The following DCLK1 variants were observed in gnomAD, a reference collection of about 807,000 sequenced individuals.
DCLK1 encodes the protein doublecortin like kinase 1, also known as serine/threonine-protein kinase DCLK1.
In DCLK1, 16 loss-of-function variants were observed where a neutral mutation model predicts 86.2. The ratio of observed to expected loss-of-function variants is 0.19; its 90% confidence interval spans 0.13 to 0.28. DCLK1 has a LOEUF of 0.28. Among genes scored for constraint, DCLK1 ranks in the 10% least tolerant of loss-of-function variants. DCLK1 has a pLI of 1.00. For synonymous variants in DCLK1, 369 were observed against 370.5 expected (o/e 1.00, Z 0.05); for missense variants, 590 against 940.2 (o/e 0.63, Z 4.87).
chr13:35,917,693 C>T (rs1334494356), intron 4 of DCLK1, among the ~76,000 whole-genome samples: 1 of 152,140 alleles, frequency 6.6e-6, no homozygotes, highest in Non-Finnish European at 1.5e-5. Flanking sequence ...GAATTCGAAA[C>T]CCAGCTGCAT....
At chr13:36,046,361 T>C (rs1593844954) in intron 3 of DCLK1, among the ~76,000 whole-genome samples, 1 of 152,332 alleles carries the variant, frequency 6.6e-6, no homozygotes, top group Admixed American at 6.5e-5. Context: ...GCCTGAACAG[T>C]AACAATTTTA....
At chr13:35,958,079 T>TATAACCATCACCACCATCACC in intron 3 of DCLK1, among the ~76,000 whole-genome samples, 1 of 10,300 alleles carries the variant, frequency 9.7e-5, no homozygotes, top group Non-Finnish European at 1.6e-4. Context: ...CCACCACCAC[T>TATAACCATCACCACCATCACC]ACTATAACCA....
intron 11 of DCLK1, among the ~76,000 whole-genome samples, chr13:35,820,756 A>G (rs1378021109): frequency 6.6e-6 from 1 of 152,204 alleles, no homozygotes; most frequent in East Asian, 1.9e-4. Context: ...GCTGCAGTTG[A>G]TGGAGGTAAC....
At chr13:36,131,851 A>C (rs1886370531), upstream of DCLK1, among the ~76,000 whole-genome samples, 1 of 152,062 alleles carries the variant, frequency 6.6e-6, no homozygotes, top group African/African-American at 2.4e-5. Flanking sequence ...TTTGCCCGGG[A>C]TGCACCCACG....
At chr13:35,926,400 T>G (rs1173144271) in intron 4 of DCLK1, among the ~76,000 whole-genome samples, 1 of 152,180 alleles carries the variant, frequency 6.6e-6, no homozygotes, top group African/African-American at 2.4e-5. Flanking sequence ...GGAGTCTTAT[T>G]CCACTCAACA....
chr13:35,919,643 T>C (rs1875668859), intron 4 of DCLK1, among the ~76,000 whole-genome samples: 1 of 151,956 alleles, frequency 6.6e-6, no homozygotes, highest in Admixed American at 6.6e-5. Flanking sequence ...GCAGGCTGGA[T>C]TTGCAACCTG....
At chr13:36,045,346 A>C (rs1488578187) in intron 3 of DCLK1, among the ~76,000 whole-genome samples, 1 of 104,660 alleles carries the variant, frequency 9.6e-6, no homozygotes, top group East Asian at 2.7e-4. Flanking sequence ...ATATATATAT[A>C]TATATATATA....
At chr13:35,913,410 C>A (rs9531181) in intron 4 of DCLK1, among the ~76,000 whole-genome samples, 27,656 of 151,952 alleles carry the variant, frequency 0.18, 2,888 homozygotes, top group East Asian at 0.34. Context: ...TGAATACTTT[C>A]CTGAAACCAT....
chr13:35,833,833 A>C (rs575674075), intron 8 of DCLK1, among the ~76,000 whole-genome samples: 2 of 152,300 alleles, frequency 1.3e-5, no homozygotes, highest in Admixed American at 6.5e-5. Context: ...GGCACATGCC[A>C]TATGTCCTCG....
chr13:35,910,922 A>ATT (rs368677544), intron 4 of DCLK1, among the ~76,000 whole-genome samples: 1 of 152,086 alleles, frequency 6.6e-6, no homozygotes, highest in East Asian at 1.9e-4. Context: ...CACTAGAGAG[A>ATT]TTTTTTCAAA....
At chr13:35,890,597 G>C (rs1303330407) in intron 4 of DCLK1, among the ~76,000 whole-genome samples, 2 of 152,122 alleles carry the variant, frequency 1.3e-5, no homozygotes, top group Non-Finnish European at 2.9e-5. Flanking sequence ...TCTAGAGACA[G>C]AGTTGCTGGA....
At chr13:36,022,424 A>T (rs946484593) in intron 3 of DCLK1, among the ~76,000 whole-genome samples, 3 of 152,250 alleles carry the variant, frequency 2.0e-5, no homozygotes, top group Admixed American at 1.3e-4. Flanking sequence ...GAGTAGACAT[A>T]AATAAAATAC....
intron 4 of DCLK1, among the ~76,000 whole-genome samples, chr13:35,903,721 T>C (rs1203302469): frequency 1.3e-5 from 2 of 151,670 alleles, no homozygotes; most frequent in Non-Finnish European, 1.5e-5. Flanking sequence ...AGCTTTGATA[T>C]ATGCCCTAAC....
chr13:35,781,809 C>T (rs547946346), intron 16 of DCLK1, among the ~76,000 whole-genome samples: 17 of 152,280 alleles, frequency 1.1e-4, no homozygotes, highest in Middle Eastern at 3.4e-3. Context: ...CTTTTGCTTA[C>T]CCTTACTCTG....
intron 15 of DCLK1, among the ~76,000 whole-genome samples, chr13:35,795,193 T>G (rs545178116): frequency 6.6e-6 from 1 of 152,046 alleles, no homozygotes; most frequent in Admixed American, 6.5e-5. Flanking sequence ...TGATGGAGAG[T>G]GTGTTGACAG....
intron 16 of DCLK1, among the ~76,000 whole-genome samples, chr13:35,784,921 C>A (rs570818416): frequency 1.3e-5 from 2 of 152,272 alleles, no homozygotes; most frequent in African/African-American, 4.8e-5. Context: ...TTTTCTCAAA[C>A]CTGCACGGAG....
At chr13:35,817,937 A>G (rs2087307326) in intron 11 of DCLK1, among the ~76,000 whole-genome samples, 1 of 152,080 alleles carries the variant, frequency 6.6e-6, no homozygotes, top group Non-Finnish European at 1.5e-5. Context: ...GTCTCTAGGG[A>G]TTTATGTTTA....
chr13:35,961,233 G>T (rs554058561), intron 3 of DCLK1, among the ~76,000 whole-genome samples: 1 of 152,266 alleles, frequency 6.6e-6, no homozygotes, highest in South Asian at 2.1e-4. Context: ...ATGAGATAAT[G>T]CATGGACATG....
intron 3 of DCLK1, among the ~76,000 whole-genome samples, chr13:36,004,871 C>A (rs1233446416): frequency 1.3e-5 from 2 of 152,222 alleles, no homozygotes; most frequent in African/African-American, 4.8e-5. Flanking sequence ...AGCCACCGCA[C>A]CTGGCCTGTT....
Sources: gnomAD v4.1 joint callset for allele counts (sites outside exome capture counted in the v4.1 genomes callset) on GRCh38, gnomAD v4.1.1 for gene constraint, MANE v1.5 for transcripts, NCBI Gene and HGNC (gene_info 2026-07-23, HGNC 2026-07-21) for gene names.